Variants in S100A13 observed in about 807,000 individuals in gnomAD.
The protein encoded by S100A13 is protein S100-A13.
A neutral mutation model predicts 8.2 loss-of-function variants in S100A13; 6 were observed. The ratio of observed to expected loss-of-function variants is 0.73; its 90% CI spans 0.40 to 1.44. The LOEUF (loss-of-function observed/expected upper bound fraction) is 1.44, where lower values mean the gene tolerates loss of function less well. Among genes scored for constraint, S100A13 ranks in the 40% most tolerant of loss-of-function variants. The pLI is 0.02. For missense variants in S100A13, 114 were observed against 113.6 expected, an observed-to-expected ratio of 1.00 and a Z score of -0.02; for synonymous variants, 39 against 45.9, an observed-to-expected ratio of 0.85 and a Z score of 0.61.
chr1:153,623,170 G>C (rs181139914), intron 2 of S100A13, among the ~76,000 whole-genome samples: 2 of 152,290 alleles, frequency 1.3e-5, no homozygotes, highest in East Asian at 3.9e-4. Flanking sequence ...ACAAGAAAGA[G>C]AGGAGTAATT....
upstream of S100A13, chr1:153,631,383 G>A: frequency 1.5e-6 from 2 of 1,340,374 alleles, no homozygotes; most frequent in South Asian, 1.4e-5. Flanking sequence ...TGGAAATAAT[G>A]AAACATACCT....
upstream of S100A13, among the ~76,000 whole-genome samples, chr1:153,633,443 T>G (rs1668147038): frequency 6.6e-6 from 1 of 151,362 alleles, no homozygotes; most frequent in Non-Finnish European, 1.5e-5. Flanking sequence ...GGGGAGGACA[T>G]GGAAACGCAA....
At position 153,618,892 on chromosome 1, in the gene S100A13, G is replaced by A. The variant is rs1667056011; in HGVS notation, c.*3C>T. On this transcript the variant is annotated 3_prime_UTR_variant, in exon 3 of 3. Coordinates refer to ENST00000476133, the MANE Select transcript of S100A13 (RefSeq NM_001024211.2). Reference sequence around the variant, plus strand: ...CTGCCCACCCCATCTCAGCCAGGCGGCTTTACTTCTTCCTGATCTTCAGGT... The same window carrying A: ...CTGCCCACCCCATCTCAGCCAGGCGACTTTACTTCTTCCTGATCTTCAGGT... 1.9e-6 allele frequency: 3 copies of A among 1,613,806 alleles called. No individual in the cohort carries two copies. The highest frequency in any genetic ancestry group is 1.7e-6 in the Non-Finnish European group (2 of 1,179,938).
chr1:153,618,890 C>T lies in S100A13; in HGVS notation c.*5G>A, dbSNP rs754647222. The T allele has an allele frequency of 1.1e-5, 17 of 1,613,702 alleles. No individual in the cohort carries two copies. Among genetic ancestry groups the T allele is most frequent in the African/African-American group, 6.7e-5 (5 of 74,900 alleles). On this transcript the variant is annotated 3_prime_UTR_variant, in exon 3 of 3. Transcript: ENST00000476133. Reference sequence around the variant, plus strand: ...CCCTGCCCACCCCATCTCAGCCAGGCGGCTTTACTTCTTCCTGATCTTCAG... The same window carrying T: ...CCCTGCCCACCCCATCTCAGCCAGGTGGCTTTACTTCTTCCTGATCTTCAG...
upstream of S100A13, chr1:153,631,787 G>A: frequency 6.2e-7 from 1 of 1,614,176 alleles, no homozygotes; most frequent in Non-Finnish European, 8.5e-7. Context: ...AGTATGTGGT[G>A]CTTGTGGCTG....
At chr1:153,619,115 T>G in intron 2 of S100A13, 77 bp from the exon 3 acceptor site, 1 of 1,336,362 alleles carries the variant, frequency 7.5e-7, no homozygotes, top group Non-Finnish European at 1.1e-6. Flanking sequence ...AACTGTCAGC[T>G]GCTATTCTCT....
Position 153,625,942 on chromosome 1 carries a change from T to C in S100A13, c.153+378A>G, listed in dbSNP as rs1571290726. ...CAGCACTTTGGGAGGCCGAGGCGGG[T>C]GGATCACCTGAGGTCAGGAGTTCGA... On this transcript the variant is annotated intron_variant, in intron 2 of 2. Coordinates refer to ENST00000476133, the MANE Select transcript of S100A13 (RefSeq NM_001024211.2). Among the ~76,000 whole-genome samples, 3 of 151,942 alleles carry C rather than the reference T, an allele frequency of 2.0e-5. No individual in the cohort carries two copies. In the South Asian group the frequency reaches 6.2e-4, roughly 32 times the overall value.
At chr1:153,628,447 A>G (rs1459833501), upstream of S100A13, 39 of 1,550,554 alleles carry the variant, frequency 2.5e-5, no homozygotes, top group Non-Finnish European at 3.1e-5. Context: ...CACATTTGCA[A>G]CCTTGGCCAT....
At chr1:153,620,927 T>C (rs1667205966) in intron 2 of S100A13, among the ~76,000 whole-genome samples, 1 of 151,838 alleles carries the variant, frequency 6.6e-6, no homozygotes, top group African/African-American at 2.4e-5. Context: ...AAAAAGGTAA[T>C]TGAGCATCCA....
chr1:153,619,181 T>A, intron 2 of S100A13, 143 bp from the exon 3 acceptor site: 1 of 752,626 alleles, frequency 1.3e-6, no homozygotes, highest in Non-Finnish European at 2.2e-6. Flanking sequence ...AGAAGGAGGC[T>A]GCAGCCCCAA....
upstream of S100A13, chr1:153,629,789 C>T (rs1273530011): frequency 2.0e-5 from 3 of 152,416 alleles, no homozygotes; most frequent in Non-Finnish European, 4.4e-5. Context: ...TCCTCTCTCC[C>T]CTTCTGCCAC....
At chr1:153,633,457 A>C (rs563333182), upstream of S100A13, among the ~76,000 whole-genome samples, 6 of 134,994 alleles carry the variant, frequency 4.4e-5, no homozygotes, top group Admixed American at 4.9e-4. Context: ...AACGCAATCG[A>C]GGACGCAAAG....
intron 2 of S100A13, among the ~76,000 whole-genome samples, chr1:153,624,112 G>A (rs920674215): frequency 6.6e-6 from 1 of 152,224 alleles, no homozygotes; most frequent in Non-Finnish European, 1.5e-5. Flanking sequence ...AGAAGCTAGA[G>A]AGGGGAACAG....
At chr1:153,627,786 G>C, upstream of S100A13, 1 of 430,766 alleles carries the variant, frequency 2.3e-6, no homozygotes, top group Non-Finnish European at 4.2e-6. Flanking sequence ...CCATACCCAT[G>C]TCTAATCAGG....
upstream of S100A13, chr1:153,631,751 T>A (rs776770905): frequency 1.2e-6 from 2 of 1,614,196 alleles, no homozygotes; most frequent in South Asian, 1.1e-5. Flanking sequence ...TAGACGAGAA[T>A]GGAGACGGGG....
At chr1:153,630,560 C>T (rs994902086), upstream of S100A13, 2 of 1,614,270 alleles carry the variant, frequency 1.2e-6, no homozygotes, top group African/African-American at 1.3e-5. Context: ...AGACCCTCAT[C>T]AACGTGTTCC....
At chr1:153,628,630 A>T (rs932204951), upstream of S100A13, 6 of 1,408,388 alleles carry the variant, frequency 4.3e-6, no homozygotes, top group Non-Finnish European at 5.6e-6. Flanking sequence ...AGTCAGGGTG[A>T]GGGCAGTTTG....
At chr1:153,630,595 A>T (rs1398946255), upstream of S100A13, 1 of 1,614,244 alleles carries the variant, frequency 6.2e-7, no homozygotes, top group African/African-American at 1.3e-5. Context: ...AAAGAGGGGG[A>T]CAAGTACAAG....
Position 153,623,342 on chromosome 1 carries a change from G to C in S100A13, c.153+2978C>G, listed in dbSNP as rs142116955. Among the ~76,000 whole-genome samples, 36 of 152,114 alleles carry C rather than the reference G, an allele frequency of 2.4e-4. No homozygotes were observed. The East Asian group carries it at 4.6e-3, about 20-fold the overall frequency. On this transcript the variant is annotated intron_variant, in intron 2 of 2. Transcript: ENST00000476133. ...ATAACAGAAGACTGCTGATTTCGGGGAGGGAGCACATACAAGTTTCCTGAT... is the reference window on the plus strand; with the variant it reads ...ATAACAGAAGACTGCTGATTTCGGGCAGGGAGCACATACAAGTTTCCTGAT...
Sources: gnomAD v4.1 joint callset for allele counts (sites outside exome capture counted in the v4.1 genomes callset) on GRCh38, gnomAD v4.1.1 for gene constraint, MANE v1.5 for transcripts, NCBI Gene and HGNC (gene_info 2026-07-23, HGNC 2026-07-21) for gene names.